The following DAPL1 variants were observed in gnomAD, a reference collection of about 807,000 sequenced individuals.
DAPL1 encodes death associated protein like 1.
In DAPL1, 17 loss-of-function variants were observed where a neutral mutation model predicts 12.9. The observed-to-expected ratio is 1.32, with a 90% CI of 0.90 to 1.98. DAPL1 has a LOEUF of 1.98. Ranked by LOEUF, DAPL1 falls within the 30% of genes most tolerant of loss-of-function variation. The pLI is 0.00. For synonymous variants in DAPL1, 51 were observed against 42.0 expected, an observed-to-expected ratio of 1.21 and a Z score of -0.82; for missense variants, 157 against 125.7, an observed-to-expected ratio of 1.25 and a Z score of -1.19.
intron 1 of DAPL1, among the ~76,000 whole-genome samples, chr2:158,798,358 C>CTTGA (rs2059146085): frequency 6.6e-6 from 1 of 152,232 alleles, no homozygotes; most frequent in African/African-American, 2.4e-5. Flanking sequence ...ACTCCAAAGG[C>CTTGA]TTGAATCTCT....
At chr2:158,797,765 TG>T (rs1355606519) in intron 1 of DAPL1, among the ~76,000 whole-genome samples, 1 of 151,446 alleles carries the variant, frequency 6.6e-6, no homozygotes, top group Non-Finnish European at 1.5e-5. Flanking sequence ...CACTCCAGCC[TG>T]GGCAACAAGA....
At chr2:158,813,382 TA>T (rs2059242295) in intron 3 of DAPL1, among the ~76,000 whole-genome samples, 1 of 152,174 alleles carries the variant, frequency 6.6e-6, no homozygotes, top group South Asian at 2.1e-4. Context: ...TTAAAATGGT[TA>T]AAATGGCAAG....
intron 1 of DAPL1, among the ~76,000 whole-genome samples, chr2:158,803,132 C>G (rs549952501): frequency 3.1e-4 from 47 of 152,202 alleles, no homozygotes; most frequent in Non-Finnish European, 4.4e-4. Flanking sequence ...AAAATAAAAC[C>G]TGAGTGTATG....
chr2:158,815,064 T>C lies in DAPL1; in HGVS notation c.208-641T>C, dbSNP rs60653112. ...CTCTTATTGTCAGAAAGTCTCAGCC[T>C]GTGTTAATAAGCCTATTTAAGCTTA... is the stretch of plus-strand genomic sequence containing the variant. On this transcript the variant is annotated intron_variant, in intron 3 of 3. Transcript: ENST00000309950. Among the ~76,000 whole-genome samples the C allele has an allele frequency of 9.0e-3, 1,366 of 152,354 alleles. 23 individuals carry two copies. The highest frequency in any genetic ancestry group is 0.031 in the African/African-American group (1,309 of 41,568).
intron 2 of DAPL1, 130 bp downstream of exon 2, chr2:158,804,499 G>A: frequency 1.6e-6 from 1 of 633,352 alleles, no homozygotes; most frequent in Non-Finnish European, 2.7e-6. Flanking sequence ...AGGAGGGGGA[G>A]GGCGTGATCC....
intron 2 of DAPL1, among the ~76,000 whole-genome samples, 196 bp from the exon 3 acceptor site, chr2:158,806,859 T>A (rs1283070870): frequency 5.3e-5 from 8 of 150,990 alleles, no homozygotes; most frequent in Admixed American, 4.0e-4. Context: ...ATAATAATAA[T>A]AATAATAATA....
intron 3 of DAPL1, among the ~76,000 whole-genome samples, chr2:158,813,221 G>A (rs1366087700): frequency 6.6e-6 from 1 of 152,098 alleles, no homozygotes; most frequent in African/African-American, 2.4e-5. Flanking sequence ...TGGTTGCCAG[G>A]GGCTTGGAGG....
intron 3 of DAPL1, chr2:158,807,851 G>A (rs1259707508): frequency 1.3e-5 from 2 of 152,146 alleles, no homozygotes; most frequent in Non-Finnish European, 2.9e-5. Context: ...TCACCATGTT[G>A]GCTAGGCTGA....
intron 3 of DAPL1, among the ~76,000 whole-genome samples, chr2:158,812,074 G>T (rs1000769023): frequency 2.0e-5 from 3 of 152,194 alleles, no homozygotes; most frequent in Admixed American, 6.5e-5. Context: ...CCTGACTGAG[G>T]CAGGTAGGGA....
At chr2:158,806,077 C>T (rs1470557108) in intron 2 of DAPL1, among the ~76,000 whole-genome samples, 2 of 148,430 alleles carry the variant, frequency 1.3e-5, no homozygotes, top group African/African-American at 4.9e-5. Context: ...AGGGCATGTG[C>T]ACAGGATAGG....
intron 1 of DAPL1, among the ~76,000 whole-genome samples, chr2:158,800,940 A>G: frequency 6.6e-6 from 1 of 152,174 alleles, no homozygotes; most frequent in East Asian, 1.9e-4. Context: ...CCCAGGTTCA[A>G]GCAATTCTCC....
chr2:158,795,793 A>G (rs1380730699), intron 1 of DAPL1, among the ~76,000 whole-genome samples: 1 of 152,160 alleles, frequency 6.6e-6, no homozygotes, highest in Non-Finnish European at 1.5e-5. Flanking sequence ...ATGATTTGCT[A>G]CCATGGAAAC....
intron 1 of DAPL1, 76 bp from the exon 2 acceptor site, chr2:158,804,206 A>C (rs926271155): frequency 2.1e-6 from 2 of 948,626 alleles, no homozygotes; most frequent in African/African-American, 3.3e-5. Flanking sequence ...TTTCAAATCT[A>C]AAGTCATACC....
intron 2 of DAPL1, among the ~76,000 whole-genome samples, chr2:158,806,106 A>G (rs1575227564): frequency 6.7e-6 from 1 of 148,486 alleles, no homozygotes; most frequent in Non-Finnish European, 1.5e-5. Flanking sequence ...GTTTTCATGG[A>G]CAAACACTCC....
intron 2 of DAPL1, among the ~76,000 whole-genome samples, chr2:158,805,842 A>G (rs1206852068): frequency 6.7e-6 from 1 of 148,696 alleles, no homozygotes; most frequent in Admixed American, 6.7e-5. Flanking sequence ...TTAAACAGCA[A>G]AAGATAGCTC....
In DAPL1 at chr2:158,815,775, T is replaced by C; in HGVS notation, c.278T>C (p.Val93Ala). 1 of 1,614,124 alleles carries C rather than the reference T, an allele frequency of 6.2e-7. No individual in the cohort carries two copies. Among genetic ancestry groups the C allele is most frequent in the Non-Finnish European group, 8.5e-7 (1 of 1,179,964 alleles). Residue 93 changes from valine (V) to alanine (A), a missense_variant, in exon 4 of 4, where the codon GTT (valine) becomes GCT (alanine). By Grantham distance (64) the Val-to-Ala change is moderately conservative. Coordinates refer to ENST00000309950, the MANE Select transcript of DAPL1 (RefSeq NM_001017920.3). ...QKPTPALEKV[V>A]PLKRIYIIQQ... ...CCCACACCTGCTCTGGAAAAGGTTG[T>C]TCCACTGAAAAGGATCTACATTATT...
chr2:158,800,811 T>A (rs964058763), intron 1 of DAPL1, among the ~76,000 whole-genome samples: 1 of 152,180 alleles, frequency 6.6e-6, no homozygotes, highest in Admixed American at 6.5e-5. Context: ...TCCTTCCAAA[T>A]GAGTGGTACA....
chr2:158,809,819 A>C (rs1197897079), intron 3 of DAPL1, among the ~76,000 whole-genome samples: 1 of 152,194 alleles, frequency 6.6e-6, no homozygotes, highest in African/African-American at 2.4e-5. Context: ...CTCAAAAACG[A>C]ACATTGGTAG....
chr2:158,812,392 C>T (rs1385080431), intron 3 of DAPL1, among the ~76,000 whole-genome samples: 1 of 152,162 alleles, frequency 6.6e-6, no homozygotes, highest in Non-Finnish European at 1.5e-5. Flanking sequence ...CGGTTGAATG[C>T]CTCAGTTAAA....
Sources: gnomAD v4.1 joint callset for allele counts (sites outside exome capture counted in the v4.1 genomes callset) on GRCh38, gnomAD v4.1.1 for gene constraint, MANE v1.5 for transcripts, NCBI Gene and HGNC (gene_info 2026-07-23, HGNC 2026-07-21) for gene names.